ITGA9: variants seen among roughly 807,000 people sequenced by gnomAD.
The protein encoded by ITGA9 is integrin subunit alpha 9.
A neutral mutation model predicts 127.8 loss-of-function variants in ITGA9; 56 were observed. The ratio of observed to expected loss-of-function variants is 0.44; its 90% CI spans 0.35 to 0.55. ITGA9 has a LOEUF of 0.55. Among genes scored for constraint, ITGA9 ranks in the 20% least tolerant of loss-of-function variants. The probability of loss-of-function intolerance (pLI) is 0.00; values close to 1 mark genes in which losing one functional copy is unlikely to be tolerated. For synonymous variants in ITGA9, 508 were observed against 514.5 expected (o/e 0.99, Z 0.17); for missense variants, 1,196 against 1,347.1 (o/e 0.89, Z 1.76).
At chr3:37,636,464 C>G (rs1270902050) in intron 16 of ITGA9, among the ~76,000 whole-genome samples, 1 of 152,196 alleles carries the variant, frequency 6.6e-6, no homozygotes, top group Non-Finnish European at 1.5e-5. Flanking sequence ...CCCTCACCCA[C>G]TTTTTGATGG....
At chr3:37,685,375 A>C (rs1892798) in intron 18 of ITGA9, among the ~76,000 whole-genome samples, 1 of 152,222 alleles carries the variant, frequency 6.6e-6, no homozygotes, top group African/African-American at 2.4e-5. Context: ...GAGGGAGGCC[A>C]CAAAAGCAAT....
intron 17 of ITGA9, among the ~76,000 whole-genome samples, chr3:37,662,685 G>A (rs1014204133): frequency 2.0e-5 from 3 of 152,138 alleles, no homozygotes; most frequent in Non-Finnish European, 4.4e-5. Flanking sequence ...CCCTCCCAGG[G>A]CTTCACAAGG....
chr3:37,601,319 A>G (rs1314454098), intron 15 of ITGA9, among the ~76,000 whole-genome samples: 1 of 152,176 alleles, frequency 6.6e-6, no homozygotes, highest in Admixed American at 6.5e-5. Context: ...GAAGGGTGCA[A>G]TGTGAACAGA....
At chr3:37,708,673 C>CCACACAACAAGG (rs1559574502) in intron 18 of ITGA9, among the ~76,000 whole-genome samples, 1 of 152,306 alleles carries the variant, frequency 6.6e-6, no homozygotes, top group Non-Finnish European at 1.5e-5. Flanking sequence ...GGACAGCTCC[C>CCACACAACAAGG]CATACAACAA....
chr3:37,615,476 C>T (rs963104993), intron 15 of ITGA9, among the ~76,000 whole-genome samples: 4 of 152,158 alleles, frequency 2.6e-5, no homozygotes, highest in Non-Finnish European at 5.9e-5. Flanking sequence ...TGATGCTGGC[C>T]TCATAAAATG....
chr3:37,635,018 A>C (rs894143832), intron 16 of ITGA9, among the ~76,000 whole-genome samples: 1 of 152,256 alleles, frequency 6.6e-6, no homozygotes, highest in African/African-American at 2.4e-5. Flanking sequence ...AAATAATTCA[A>C]AGGGAAATTT....
chr3:37,652,048 T>C (rs943405490), intron 16 of ITGA9, among the ~76,000 whole-genome samples: 6 of 151,572 alleles, frequency 4.0e-5, no homozygotes, highest in Non-Finnish European at 8.8e-5. Flanking sequence ...GCATGTGTGA[T>C]GAGGGGACTG....
intron 4 of ITGA9, among the ~76,000 whole-genome samples, chr3:37,484,943 G>A (rs58527780): frequency 0.11 from 17,108 of 152,232 alleles, 1,087 homozygotes; most frequent in Middle Eastern, 0.17. Flanking sequence ...CTGAGCAAGT[G>A]TTTGTTAATC....
chr3:37,713,698 G>C (rs1701102967), intron 18 of ITGA9, among the ~76,000 whole-genome samples: 1 of 152,180 alleles, frequency 6.6e-6, no homozygotes, highest in Non-Finnish European at 1.5e-5. Flanking sequence ...TAAAAAGCCT[G>C]TCGAGCTTTC....
At chr3:37,724,375 C>T (rs1218402355) in intron 18 of ITGA9, among the ~76,000 whole-genome samples, 1 of 152,186 alleles carries the variant, frequency 6.6e-6, no homozygotes, top group South Asian at 2.1e-4. Context: ...GAGGGTGGCA[C>T]CCTGCTATGA....
chr3:37,654,388 C>A (rs1010148542), intron 17 of ITGA9, among the ~76,000 whole-genome samples: 6 of 152,208 alleles, frequency 3.9e-5, no homozygotes, highest in Admixed American at 2.6e-4. Flanking sequence ...AACCGTACAG[C>A]GGCCTTCTGT....
At chr3:37,558,683 C>T (rs1699454713) in intron 15 of ITGA9, among the ~76,000 whole-genome samples, 1 of 152,206 alleles carries the variant, frequency 6.6e-6, no homozygotes, top group African/African-American at 2.4e-5. Flanking sequence ...CAGATGGAGA[C>T]TCGTAAGCCA....
chr3:37,660,838 T>C (rs993623879), intron 17 of ITGA9, among the ~76,000 whole-genome samples: 1 of 152,238 alleles, frequency 6.6e-6, no homozygotes, highest in Non-Finnish European at 1.5e-5. Context: ...TAGGCTTGGG[T>C]GACACCATTC....
At chr3:37,740,441 C>G (rs1361651330) in intron 20 of ITGA9, among the ~76,000 whole-genome samples, 2 of 152,170 alleles carry the variant, frequency 1.3e-5, no homozygotes, top group African/African-American at 4.8e-5. Context: ...TAAAGGGAAA[C>G]TAGGTCTTCT....
Position 37,494,585 on chromosome 3 carries a change from T to C in ITGA9, c.612+17T>C, listed in dbSNP as rs1425394843. The C allele has an allele frequency of 3.7e-6, 6 of 1,605,366 alleles. No homozygotes were observed. In the African/African-American group the frequency reaches 5.3e-5, roughly 14 times the overall value. ...TTCACCGAGGTGGGTGTCTGCTGTC[T>C]GGGCATTTCTGTTCTCTTGTGGGTG... On this transcript the variant is annotated intron_variant, in intron 5 of 27. Transcript: ENST00000264741.
At chr3:37,603,759 T>A (rs1223814409) in intron 15 of ITGA9, among the ~76,000 whole-genome samples, 1 of 152,216 alleles carries the variant, frequency 6.6e-6, no homozygotes, top group Non-Finnish European at 1.5e-5. Flanking sequence ...ACATATCTCT[T>A]CCCTTGCCAG....
chr3:37,488,448 A>G (rs1396692614), intron 4 of ITGA9, among the ~76,000 whole-genome samples: 1 of 152,166 alleles, frequency 6.6e-6, no homozygotes, highest in African/African-American at 2.4e-5. Context: ...TGGGTTGCTA[A>G]GTTCTAGGTA....
intron 17 of ITGA9, among the ~76,000 whole-genome samples, chr3:37,681,365 G>A (rs1454251488): frequency 1.3e-5 from 2 of 152,142 alleles, no homozygotes; most frequent in Non-Finnish European, 2.9e-5. Context: ...ATGATCCCTG[G>A]TGTCTCTGTG....
intron 16 of ITGA9, among the ~76,000 whole-genome samples, chr3:37,642,689 G>A (rs1032209662): frequency 5.9e-5 from 9 of 152,230 alleles, no homozygotes; most frequent in Non-Finnish European, 1.0e-4. Context: ...GAAAGAAAAG[G>A]TGTCGGCTTT....
Sources: gnomAD v4.1 joint callset for allele counts (sites outside exome capture counted in the v4.1 genomes callset) on GRCh38, gnomAD v4.1.1 for gene constraint, MANE v1.5 for transcripts, NCBI Gene and HGNC (gene_info 2026-07-23, HGNC 2026-07-21) for gene names.